ADAM22: variants seen among roughly 807,000 people sequenced by gnomAD.
ADAM22 encodes disintegrin and metalloproteinase domain-containing protein 22.
ADAM22 carries 65 observed loss-of-function variants against 144.6 expected under a neutral mutation model. The observed-to-expected ratio is 0.45, with a 90% confidence interval of 0.37 to 0.55. ADAM22 has a LOEUF of 0.55. Ranked by LOEUF, ADAM22 falls within the 20% of genes least tolerant of loss-of-function variation. The pLI is 0.00. For missense variants in ADAM22, 974 were observed against 1,184.9 expected (o/e 0.82, Z 2.61); for synonymous variants, 391 against 412.6 (o/e 0.95, Z 0.63).
At chr7:87,958,122 T>C (rs1254223698) in intron 2 of ADAM22, among the ~76,000 whole-genome samples, 1 of 152,184 alleles carries the variant, frequency 6.6e-6, no homozygotes, top group African/African-American at 2.4e-5. Context: ...TTATAGCGTA[T>C]TTATTCTGTT....
intron 3 of ADAM22, among the ~76,000 whole-genome samples, chr7:87,996,094 G>A (rs1426503757): frequency 6.6e-6 from 1 of 152,152 alleles, no homozygotes; most frequent in African/African-American, 2.4e-5. Flanking sequence ...TAGGGACACG[G>A]CCGTGCACCA....
At chr7:87,984,314 G>A (rs1299983192) in intron 3 of ADAM22, among the ~76,000 whole-genome samples, 2 of 152,178 alleles carry the variant, frequency 1.3e-5, no homozygotes, top group Non-Finnish European at 2.9e-5. Flanking sequence ...AGTGATGCCC[G>A]CTAACATCTG....
chr7:88,052,595 A>G (rs531419308), intron 3 of ADAM22, among the ~76,000 whole-genome samples: 1 of 152,342 alleles, frequency 6.6e-6, no homozygotes, highest in South Asian at 2.1e-4. Context: ...AAATCAAAGT[A>G]CACAGTACAC....
At chr7:88,016,972 G>A (rs1398699058) in intron 3 of ADAM22, among the ~76,000 whole-genome samples, 1 of 151,824 alleles carries the variant, frequency 6.6e-6, no homozygotes, top group African/African-American at 2.4e-5. Context: ...TAAAATATTA[G>A]CCAGGCATGG....
intron 13 of ADAM22, 100 bp from the exon 14 acceptor site, chr7:88,135,880 T>C: frequency 9.7e-7 from 1 of 1,030,960 alleles, no homozygotes; most frequent in Non-Finnish European, 1.4e-6. Flanking sequence ...TTAAAAGGCA[T>C]TTTAAGGAAT....
intron 3 of ADAM22, among the ~76,000 whole-genome samples, chr7:88,012,090 C>T (rs1310624703): frequency 2.7e-5 from 4 of 149,308 alleles, no homozygotes; most frequent in Non-Finnish European, 5.9e-5. Flanking sequence ...GTGGACATAG[C>T]TTCAAACTCA....
In ADAM22 at chr7:87,988,143, T is replaced by G. The variant is rs187735192; in HGVS notation, c.323+9731T>G. Among the ~76,000 whole-genome samples, 212 of 152,296 alleles carry G rather than the reference T, an allele frequency of 1.4e-3. 1 individual carries two copies. Among genetic ancestry groups the G allele is most frequent in the Middle Eastern group, 3.4e-3 (1 of 294 alleles). ...TTTTAGAGAAGCTGAAGTCTCTTCT[T>G]GGAAACTGGTAGAGTATAGAAATTT... On this transcript the variant is annotated intron_variant, in intron 3 of 31. Transcript: ENST00000413139.
chr7:88,192,066 T>C (rs1849734113), intron 30 of ADAM22, among the ~76,000 whole-genome samples: 2 of 152,166 alleles, frequency 1.3e-5, no homozygotes, highest in South Asian at 4.1e-4. Flanking sequence ...AGGCAGTAGA[T>C]CTTGACCTAC....
chr7:88,083,073 G>A (rs1219548389), intron 4 of ADAM22, among the ~76,000 whole-genome samples: 2 of 152,160 alleles, frequency 1.3e-5, no homozygotes. Context: ...CAATAGCAAA[G>A]AGTTGGAACC....
At chr7:88,044,955 C>A (rs1804189123) in intron 3 of ADAM22, among the ~76,000 whole-genome samples, 2 of 149,396 alleles carry the variant, frequency 1.3e-5, no homozygotes, top group African/African-American at 5.0e-5. Context: ...GAACTCTTGA[C>A]CTCAGGCGAT....
intron 4 of ADAM22, among the ~76,000 whole-genome samples, chr7:88,106,428 G>A (rs1224360177): frequency 6.6e-6 from 1 of 152,140 alleles, no homozygotes; most frequent in Admixed American, 6.5e-5. Context: ...TGGAATTTCG[G>A]TGAAGAAAAT....
intron 3 of ADAM22, among the ~76,000 whole-genome samples, chr7:88,070,789 T>G (rs558732582): frequency 2.6e-5 from 4 of 152,166 alleles, no homozygotes; most frequent in Non-Finnish European, 5.9e-5. Context: ...AGAGACTGGT[T>G]CAGAAACAGG....
At chr7:88,138,876 T>C (rs1471280735) in intron 14 of ADAM22, among the ~76,000 whole-genome samples, 1 of 152,200 alleles carries the variant, frequency 6.6e-6, no homozygotes, top group South Asian at 2.1e-4. Context: ...TGTTCATATA[T>C]TTTAAAAGCT....
At position 88,201,875 on chromosome 7, in the gene ADAM22, T is replaced by C. The variant is rs1326330822; in HGVS notation, c.*5384T>C. ...TTTTCCTTTCTTGTAAAAAATGTTA[T>C]ATATATATAATATTCTGATCTGCAT... On this transcript the variant is annotated 3_prime_UTR_variant, in exon 32 of 32. Transcript: ENST00000413139. 2 of 152,146 alleles carry C rather than the reference T, an allele frequency of 1.3e-5. No individual in the cohort carries two copies. The highest frequency in any genetic ancestry group is 2.9e-5 in the Non-Finnish European group (2 of 68,024). 9.4% of individuals were successfully genotyped at this position (152,146 alleles called of 1,614,324 possible).
chr7:87,978,453 G>T, intron 3 of ADAM22, 41 bp downstream of exon 3: 1 of 1,551,578 alleles, frequency 6.4e-7, no homozygotes, highest in South Asian at 1.1e-5. Flanking sequence ...GATACACATT[G>T]AATCCACTTT....
At chr7:88,103,394 TATAA>T (rs904090251) in intron 4 of ADAM22, among the ~76,000 whole-genome samples, 1 of 152,312 alleles carries the variant, frequency 6.6e-6, no homozygotes, top group South Asian at 2.1e-4. Flanking sequence ...CTTTGAATTT[TATAA>T]ATAAATGATT....
At chr7:87,958,909 A>G (rs1365814196) in intron 2 of ADAM22, among the ~76,000 whole-genome samples, 1 of 152,056 alleles carries the variant, frequency 6.6e-6, no homozygotes, top group African/African-American at 2.4e-5. Flanking sequence ...CTGTATAGCA[A>G]ATATTTATTT....
chr7:88,196,026 G>A (rs1050124840), intron 31 of ADAM22, among the ~76,000 whole-genome samples: 14 of 152,114 alleles, frequency 9.2e-5, no homozygotes, highest in African/African-American at 3.4e-4. Flanking sequence ...GGTCTGGTGT[G>A]GTGCCTGGGA....
intron 3 of ADAM22, among the ~76,000 whole-genome samples, chr7:87,996,330 C>T (rs1289811292): frequency 6.6e-6 from 1 of 152,180 alleles, no homozygotes; most frequent in Admixed American, 6.5e-5. Context: ...GATCCAAAGG[C>T]TGAGGAGTCC....
Sources: gnomAD v4.1 joint callset for allele counts (sites outside exome capture counted in the v4.1 genomes callset) on GRCh38, gnomAD v4.1.1 for gene constraint, MANE v1.5 for transcripts, NCBI Gene and HGNC (gene_info 2026-07-23, HGNC 2026-07-21) for gene names.